Variants in SMAD6 observed in about 807,000 individuals in gnomAD.
SMAD6 encodes the protein SMAD family member 6.
SMAD6 carries 103 observed loss-of-function variants against 39.4 expected under a neutral mutation model. The ratio of observed to expected loss-of-function variants is 2.62; its 90% CI spans 2.23 to 3.08. SMAD6 has a LOEUF of 3.08. Among genes scored for constraint, SMAD6 ranks in the 30% most tolerant of loss-of-function variants. The pLI is 0.00. For missense variants in SMAD6, 1,104 were observed against 742.9 expected (o/e 1.49, Z -5.65); for synonymous variants, 445 against 353.3 (o/e 1.26, Z -2.91).
chr15:66,771,577 C>CT (rs1894379721), intron 3 of SMAD6, among the ~76,000 whole-genome samples: 1 of 152,276 alleles, frequency 6.6e-6, no homozygotes, highest in East Asian at 1.9e-4. Flanking sequence ...TCCTAAACCC[C>CT]TCCTGCGACT....
At chr15:66,771,556 C>A (rs899810689) in intron 3 of SMAD6, among the ~76,000 whole-genome samples, 1 of 152,128 alleles carries the variant, frequency 6.6e-6, no homozygotes, top group Non-Finnish European at 1.5e-5. Context: ...CGACAGGATA[C>A]CCCAGATCAC....
chr15:66,703,954 G>C lies in SMAD6; in HGVS notation c.696G>C (p.Trp232Cys), dbSNP rs759094719. 2 of 1,426,400 alleles carry C rather than the reference G, an allele frequency of 1.4e-6. No individual in the cohort carries two copies. The highest frequency in any genetic ancestry group is 9.2e-7 in the Non-Finnish European group (1 of 1,089,560). The allele number at this position is 1,426,400 out of a possible 1,614,324, so 88.4% of individuals were successfully genotyped here. A position where few individuals can be genotyped will look rare whatever the true frequency, so the allele number is the denominator to read the frequency against. ...PQLLLGRLFR[W>C]PDLQHAVELK... Reference sequence around the variant, plus strand: ...TGCTGCTCGGCCGCCTCTTTCGCTGGCCCGACCTGCAGCACGCCGTGGAGC... The same window carrying C: ...TGCTGCTCGGCCGCCTCTTTCGCTGCCCCGACCTGCAGCACGCCGTGGAGC... Residue 232 changes from tryptophan (W) to cysteine (C), a missense_variant, in exon 1 of 4, where the codon TGG becomes TGC. Coordinates refer to ENST00000288840, the MANE Select transcript of SMAD6 (RefSeq NM_005585.5).
At position 66,782,000 on chromosome 15, in the gene SMAD6, A is replaced by G; in HGVS notation, c.*465A>G. 1 of 398,850 alleles carries G rather than the reference A, an allele frequency of 2.5e-6. No individual in the cohort carries two copies. 24.7% of individuals were successfully genotyped at this position (398,850 alleles called of 1,614,324 possible). A position where few individuals can be genotyped will look rare whatever the true frequency, so the allele number is the denominator to read the frequency against. ...GTATTCGCATTATAGTTTTTTTTAA[A>G]CTGTCTTCTTTTTACAAAGAGGGGC... On this transcript the variant is annotated 3_prime_UTR_variant, in exon 4 of 4. Transcript: ENST00000288840.
chr15:66,717,616 TC>T (rs1567096875), intron 3 of SMAD6: 1 of 380,162 alleles, frequency 2.6e-6, no homozygotes, highest in South Asian at 1.9e-5. Flanking sequence ...CCTGGCCATT[TC>T]CCCAGCCCAG....
At chr15:66,711,939 C>A (rs191083089) in intron 2 of SMAD6, among the ~76,000 whole-genome samples, 1 of 152,116 alleles carries the variant, frequency 6.6e-6, no homozygotes, top group Non-Finnish European at 1.5e-5. Flanking sequence ...ATTTACATCT[C>A]GAAATTCCGC....
intron 3 of SMAD6, among the ~76,000 whole-genome samples, chr15:66,769,223 G>C (rs888141956): frequency 2.0e-5 from 3 of 152,138 alleles, no homozygotes; most frequent in Non-Finnish European, 4.4e-5. Flanking sequence ...GGATGTGTGG[G>C]GTAACTGAGG....
chr15:66,703,650 A>G lies in SMAD6; in HGVS notation c.392A>G (p.Glu131Gly). Residue 131 changes from glutamate to glycine, a missense_variant, in exon 1 of 4, where the codon GAG (glutamate) becomes GGG (glycine). By Grantham distance (98) the Glu-to-Gly change is moderately conservative (BLOSUM62 -2). Coordinates refer to ENST00000288840, the MANE Select transcript of SMAD6 (RefSeq NM_005585.5). ...CETVTCCLFS[E>G]RDAAGAPRDA... Reference sequence around the variant, plus strand: ...ACGGTGACCTGCTGTCTCTTTTCGGAGCGGGACGCCGCCGGCGCGCCCCGG... The same window carrying G: ...ACGGTGACCTGCTGTCTCTTTTCGGGGCGGGACGCCGCCGGCGCGCCCCGG... The G allele has an allele frequency of 1.6e-6, 2 of 1,231,646 alleles. No homozygotes were observed. Among genetic ancestry groups the G allele is most frequent in the East Asian group, 3.4e-5 (1 of 29,770 alleles). The allele number at this position is 1,231,646 out of a possible 1,614,324, so 76.3% of individuals were successfully genotyped here. A position where few individuals can be genotyped will look rare whatever the true frequency, so the allele number is the denominator to read the frequency against.
intron 3 of SMAD6, among the ~76,000 whole-genome samples, chr15:66,745,441 G>A (rs1422102179): frequency 1.3e-5 from 2 of 151,774 alleles, no homozygotes; most frequent in African/African-American, 4.8e-5. Context: ...CTTTTAAACA[G>A]CTCTCAGTGG....
intron 3 of SMAD6, among the ~76,000 whole-genome samples, chr15:66,759,153 T>C (rs1432884473): frequency 2.0e-5 from 3 of 152,238 alleles, no homozygotes; most frequent in Non-Finnish European, 4.4e-5. Context: ...TGATTCCTTA[T>C]TTATATCAAA....
intron 3 of SMAD6, among the ~76,000 whole-genome samples, chr15:66,734,990 C>A (rs1205631514): frequency 1.3e-5 from 2 of 152,228 alleles, no homozygotes; most frequent in African/African-American, 4.8e-5. Flanking sequence ...GCAGGTAGGA[C>A]CGCCCAGGGT....
chr15:66,707,025 G>C (rs1233136206), intron 1 of SMAD6: 1 of 152,270 alleles, frequency 6.6e-6, no homozygotes, highest in Non-Finnish European at 1.5e-5. Flanking sequence ...CTCAGGAGGG[G>C]ACCCACCTCT....
At chr15:66,734,922 C>T (rs551354632) in intron 3 of SMAD6, among the ~76,000 whole-genome samples, 3 of 152,368 alleles carry the variant, frequency 2.0e-5, no homozygotes, top group African/African-American at 7.2e-5. Flanking sequence ...ATGCTGCCTC[C>T]TGCCGTAGCA....
Position 66,781,256 on chromosome 15 carries a change from C to A in SMAD6, c.1212C>A (p.Asn404Lys). 1 of 1,608,232 alleles carries A rather than the reference C, an allele frequency of 6.2e-7. No individual in the cohort carries two copies. The highest frequency in any genetic ancestry group is 8.5e-7 in the Non-Finnish European group (1 of 1,179,256). The change falls in exon 4 of 4, where the codon AAC becomes AAA. Residue 404 changes from asparagine to lysine, a missense_variant. Coordinates refer to ENST00000288840, the MANE Select transcript of SMAD6 (RefSeq NM_005585.5). ...SKEPDGVWAY[N>K]RGEHPIFVNS... is the part of the protein sequence containing the mutation. ...AGCCCGACGGCGTGTGGGCCTACAA[C>A]CGCGGCGAGCACCCCATCTTCGTCA... is the stretch of plus-strand genomic sequence containing the variant.
At chr15:66,741,754 T>C (rs993927142) in intron 3 of SMAD6, among the ~76,000 whole-genome samples, 5 of 152,198 alleles carry the variant, frequency 3.3e-5, no homozygotes, top group Non-Finnish European at 7.3e-5. Flanking sequence ...GTTTTTAGTA[T>C]ATTTGCAACA....
chr15:66,735,018 C>T (rs1246359193), intron 3 of SMAD6, among the ~76,000 whole-genome samples: 3 of 152,204 alleles, frequency 2.0e-5, no homozygotes, highest in African/African-American at 4.8e-5. Context: ...GAAGGGTGTG[C>T]GGGGGCTGTG....
At chr15:66,714,366 G>A (rs571814988) in intron 2 of SMAD6, among the ~76,000 whole-genome samples, 9 of 151,346 alleles carry the variant, frequency 5.9e-5, no homozygotes, top group African/African-American at 2.2e-4. Context: ...GCTACGAATG[G>A]CCTTTATTTT....
At position 66,711,692 on chromosome 15, in the gene SMAD6, G is replaced by A. The variant is rs758203577; in HGVS notation, c.842G>A (p.Arg281Gln). The change falls in exon 2 of 4, where the codon CGG (arginine) becomes CAG (glutamine). Residue 281 changes from arginine (R) to glutamine (Q), a missense_variant. Transcript: ENST00000288840. ...GPESPPPPYSRLSPRDEYKPL... is the reference protein window; with the variant it reads ...GPESPPPPYSQLSPRDEYKPL... Reference sequence around the variant, plus strand: ...GAATCTCCGCCACCTCCCTACTCTCGGCTGTCTCCTCGCGACGAGTACAAG... The same window carrying A: ...GAATCTCCGCCACCTCCCTACTCTCAGCTGTCTCCTCGCGACGAGTACAAG... The A allele has an allele frequency of 1.9e-6, 3 of 1,613,846 alleles. No individual in the cohort carries two copies. The highest frequency in any genetic ancestry group is 1.7e-5 in the Admixed American group (1 of 60,016).
intron 3 of SMAD6, among the ~76,000 whole-genome samples, chr15:66,719,639 C>G (rs931555694): frequency 3.9e-5 from 6 of 152,226 alleles, no homozygotes; most frequent in Admixed American, 2.6e-4. Context: ...TTTTATCCAG[C>G]TCCATGGTCT....
intron 3 of SMAD6, chr15:66,716,985 G>A: frequency 7.8e-7 from 1 of 1,289,198 alleles, no homozygotes; most frequent in Non-Finnish European, 1.0e-6. Context: ...GGCAAAGCCA[G>A]TGGTTTCTGT....
Sources: gnomAD v4.1 joint callset for allele counts (sites outside exome capture counted in the v4.1 genomes callset) on GRCh38, gnomAD v4.1.1 for gene constraint, MANE v1.5 for transcripts, NCBI Gene and HGNC (gene_info 2026-07-23, HGNC 2026-07-21) for gene names.